SUSD4: variants seen among roughly 807,000 people sequenced by gnomAD.
SUSD4 encodes sushi domain containing 4.
Under a neutral mutation model 50.5 loss-of-function variants are expected in SUSD4, and 41 were observed. The observed-to-expected ratio is 0.81, with a 90% confidence interval of 0.63 to 1.05. The LOEUF is 1.05. Among genes scored for constraint, SUSD4 ranks in the 50% least tolerant of loss-of-function variants. The pLI is 0.00. For synonymous variants in SUSD4, 257 were observed against 257.3 expected (o/e 1.00, Z 0.01); for missense variants, 580 against 634.7 (o/e 0.91, Z 0.93).
At chr1:223,357,457 T>G (rs537772183) in intron 2 of SUSD4, among the ~76,000 whole-genome samples, 1 of 152,326 alleles carries the variant, frequency 6.6e-6, no homozygotes, top group South Asian at 2.1e-4. Context: ...AAAAGAATAA[T>G]CTGGGTCACC....
intron 3 of SUSD4, among the ~76,000 whole-genome samples, chr1:223,290,374 C>G (rs957584483): frequency 5.9e-5 from 9 of 152,236 alleles, no homozygotes; most frequent in Admixed American, 3.9e-4. Flanking sequence ...TCATGACTTT[C>G]TCTACTATCA....
chr1:223,228,816 G>A (rs1202810145), intron 6 of SUSD4, among the ~76,000 whole-genome samples: 1 of 151,892 alleles, frequency 6.6e-6, no homozygotes, highest in Non-Finnish European at 1.5e-5. Flanking sequence ...GGACAAGGCT[G>A]GGAGAAAAAA....
Position 223,234,915 on chromosome 1 carries a change from T to C in SUSD4, c.725-5527A>G, listed in dbSNP as rs370367935. On this transcript the variant is annotated intron_variant, in intron 5 of 8. Coordinates refer to ENST00000366878, the MANE Select transcript of SUSD4 (RefSeq NM_017982.4). ...TACAGTATAGGATAAAAATGGAATG[T>C]TTAATTCAAACGTCCTTTATTGCAG... 22 of 1,560,720 alleles carry C rather than the reference T, an allele frequency of 1.4e-5. No individual in the cohort carries two copies. In the Admixed American group the frequency reaches 4.4e-4, roughly 31 times the overall value.
intron 2 of SUSD4, among the ~76,000 whole-genome samples, chr1:223,356,807 A>G (rs1192119405): frequency 1.3e-5 from 2 of 152,224 alleles, no homozygotes; most frequent in Non-Finnish European, 2.9e-5. Flanking sequence ...ACAACAACAA[A>G]AAAAGGCAGA....
At chr1:223,307,831 G>T (rs1665636461) in intron 2 of SUSD4, among the ~76,000 whole-genome samples, 2 of 151,824 alleles carry the variant, frequency 1.3e-5, no homozygotes, top group Admixed American at 1.3e-4. Flanking sequence ...GTCGTACTTT[G>T]TTTTTTTTAA....
At chr1:223,250,367 A>C (rs1661218035) in intron 5 of SUSD4, among the ~76,000 whole-genome samples, 1 of 152,232 alleles carries the variant, frequency 6.6e-6, no homozygotes, top group African/African-American at 2.4e-5. Flanking sequence ...ACAAGAACGT[A>C]CTATGAGGCA....
At chr1:223,326,232 CA>C (rs1372531819) in intron 2 of SUSD4, among the ~76,000 whole-genome samples, 1 of 152,026 alleles carries the variant, frequency 6.6e-6, no homozygotes, top group East Asian at 1.9e-4. Context: ...ACAAGGCATA[CA>C]AAAACATAAA....
At chr1:223,224,448 T>A (rs1017037488) in intron 7 of SUSD4, among the ~76,000 whole-genome samples, 3 of 151,736 alleles carry the variant, frequency 2.0e-5, no homozygotes, top group Admixed American at 6.6e-5. Flanking sequence ...GCATTCAGTA[T>A]AAAAATCATT....
chr1:223,268,013 T>TATATATA (rs1553291074), intron 4 of SUSD4, among the ~76,000 whole-genome samples: 727 of 53,198 alleles, frequency 0.014, 41 homozygotes, highest in African/African-American at 0.034. Flanking sequence ...CATGCATTTT[T>TATATATA]TATATATATA....
In SUSD4 at chr1:223,332,126, C is replaced by A. The variant is rs1335347299; in HGVS notation, c.148+31152G>T. On this transcript the variant is annotated intron_variant, in intron 2 of 8. Transcript: ENST00000366878. The surrounding 1 kb of genome is among the most constrained non-coding windows in gnomAD (Gnocchi z 4.0). The stretch of plus-strand genomic sequence containing the variant: ...TATTCTCCAGTTGCTGATTTCTAGT[C>A]CTCTTGGGCAAATGCCAATTGCTAA... Among the ~76,000 whole-genome samples the A allele has an allele frequency of 6.6e-6, 1 of 152,186 alleles. No homozygotes were observed. Among genetic ancestry groups the A allele is most frequent in the Admixed American group, 6.5e-5 (1 of 15,280 alleles).
chr1:223,225,062 G>T (rs553512059), intron 7 of SUSD4, among the ~76,000 whole-genome samples: 13 of 151,898 alleles, frequency 8.6e-5, no homozygotes, highest in Admixed American at 7.9e-4. Context: ...GAGAGACAAG[G>T]TTTCACCATG....
At chr1:223,257,599 TC>T (rs1384257906) in intron 5 of SUSD4, among the ~76,000 whole-genome samples, 1 of 152,210 alleles carries the variant, frequency 6.6e-6, no homozygotes, top group Non-Finnish European at 1.5e-5. Flanking sequence ...ATGCCTAAGC[TC>T]TGTATTCTAT....
intron 2 of SUSD4, among the ~76,000 whole-genome samples, chr1:223,333,641 AAGTAGGGGGCACCCTTGC>A (rs1364525065): frequency 1.3e-5 from 2 of 152,194 alleles, no homozygotes; most frequent in Non-Finnish European, 2.9e-5. Context: ...GAGAAAGGTT[AAGTAGGGGGCACCCTTGC>A]AGAGCCATGG....
intron 3 of SUSD4, among the ~76,000 whole-genome samples, chr1:223,276,879 A>C (rs1322304686): frequency 3.3e-5 from 5 of 152,092 alleles, no homozygotes; most frequent in African/African-American, 7.2e-5. Flanking sequence ...ATAAGAAAGA[A>C]ATTTTAGATG....
chr1:223,249,037 G>C (rs1042861101), intron 5 of SUSD4, among the ~76,000 whole-genome samples: 1 of 152,162 alleles, frequency 6.6e-6, no homozygotes, highest in Non-Finnish European at 1.5e-5. Context: ...GAGGTTGCTT[G>C]CTTTCTTTGC....
chr1:223,339,546 G>A (rs1008058419), intron 2 of SUSD4, among the ~76,000 whole-genome samples: 1 of 152,062 alleles, frequency 6.6e-6, no homozygotes, highest in Non-Finnish European at 1.5e-5. Flanking sequence ...CCCTGCCCCC[G>A]CCAGGTCCCT....
chr1:223,319,534 C>A (rs371320121), intron 2 of SUSD4, among the ~76,000 whole-genome samples: 25 of 152,262 alleles, frequency 1.6e-4, no homozygotes, highest in African/African-American at 4.6e-4. Context: ...GGGTTAATAA[C>A]CTGCTCACAA....
chr1:223,231,622 C>T lies in SUSD4; in HGVS notation c.725-2234G>A, dbSNP rs1659904364. Reference sequence around the variant, plus strand: ...AAGCAGAAGGAAGCAAAGGGAAGGACAGCTGATGAGGAACAGGGAGAGAGA... The same window carrying T: ...AAGCAGAAGGAAGCAAAGGGAAGGATAGCTGATGAGGAACAGGGAGAGAGA... On this transcript the variant is annotated intron_variant, in intron 5 of 8. Transcript: ENST00000366878. The surrounding 1 kb of genome is among the most constrained non-coding windows in gnomAD (Gnocchi z 4.2). 6.6e-6 allele frequency among the ~76,000 whole-genome samples: 1 copy of T among 152,232 alleles called. No individual in the cohort carries two copies. Among genetic ancestry groups the T allele is most frequent in the Non-Finnish European group, 1.5e-5 (1 of 68,044 alleles).
chr1:223,341,935 G>A (rs1299853555), intron 2 of SUSD4, among the ~76,000 whole-genome samples: 1 of 152,086 alleles, frequency 6.6e-6, no homozygotes, highest in African/African-American at 2.4e-5. Flanking sequence ...TCAGAGTCTG[G>A]TATGAAACAG....
Sources: gnomAD v4.1 joint callset for allele counts (sites outside exome capture counted in the v4.1 genomes callset) on GRCh38, gnomAD v4.1.1 for gene constraint, Gnocchi (gnomAD v3.1) non-coding constraint, MANE v1.5 for transcripts, NCBI Gene and HGNC (gene_info 2026-07-23, HGNC 2026-07-21) for gene names.